The following DNAJC10 variants were observed in gnomAD, a reference collection of about 807,000 sequenced individuals.
DNAJC10 encodes DnaJ heat shock protein family (Hsp40) member C10.
In DNAJC10, 101 loss-of-function variants were observed where a neutral mutation model predicts 115.0. That is an observed-to-expected ratio of 0.88 (90% CI 0.75 to 1.04). DNAJC10 has a LOEUF of 1.04. DNAJC10 is among the 50% of genes least tolerant of loss of function. The pLI is 0.00. For synonymous variants in DNAJC10, 307 were observed against 301.5 expected (o/e 1.02, Z -0.19); for missense variants, 981 against 928.8 (o/e 1.06, Z -0.73).
At chr2:182,726,972 T>A (rs968052483) in intron 5 of DNAJC10, among the ~76,000 whole-genome samples, 1 of 152,018 alleles carries the variant, frequency 6.6e-6, no homozygotes, top group Non-Finnish European at 1.5e-5. Context: ...TCCTCCTGTC[T>A]CAGCCTCCCA....
rs1426770512 is a variant in DNAJC10 at position 182,778,204 on chromosome 2, ATTACT to A, written c.*1077_*1081del. 1.3e-5 allele frequency: 2 copies of A among 152,146 alleles called. No individual in the cohort carries two copies. The highest frequency in any genetic ancestry group is 2.9e-5 in the Non-Finnish European group (2 of 68,010). 9.4% of individuals were successfully genotyped at this position (152,146 alleles called of 1,614,324 possible). ...TCTATTTATTATTCAAATAGGAAAA[ATTACT>A]TTACAGGTTGTTTTACTGTAGCTTA... On this transcript the variant is annotated 3_prime_UTR_variant, in exon 24 of 24. Coordinates refer to ENST00000264065, the MANE Select transcript of DNAJC10 (RefSeq NM_018981.4).
chr2:182,756,555 AC>A (rs1694161700), intron 18 of DNAJC10, 86 bp downstream of exon 18: 2 of 1,264,658 alleles, frequency 1.6e-6, no homozygotes, highest in Non-Finnish European at 2.2e-6. Flanking sequence ...ATGTGAATGA[AC>A]CCACAACTAA....
rs578240644 is a variant in DNAJC10, at chr2:182,749,049, A to G, written c.1307-2609A>G. 7.2e-3 allele frequency among the ~76,000 whole-genome samples: 1,102 copies of G among 152,106 alleles called. 6 individuals carry two copies. Among genetic ancestry groups the G allele is most frequent in the South Asian group, 0.032 (153 of 4,802 alleles). Reference sequence around the variant, plus strand: ...TTTGTTATAATTTCTATTCTTTTACATTTGCTGAGGAGAGCTTTACTTCCA... The same window carrying G: ...TTTGTTATAATTTCTATTCTTTTACGTTTGCTGAGGAGAGCTTTACTTCCA... On this transcript the variant is annotated intron_variant, in intron 14 of 23. Transcript: ENST00000264065.
In DNAJC10 at chr2:182,733,782, CAGATAGATAGATAGATAGATAGAT is replaced by C. The variant is rs61416628; in HGVS notation, c.849+1265_849+1288del. 5.0e-3 allele frequency among the ~76,000 whole-genome samples: 715 copies of C among 142,524 alleles called. 13 individuals are homozygous for C. Among genetic ancestry groups the C allele is most frequent in the African/African-American group, 0.018 (688 of 39,082 alleles). 93.5% of individuals were successfully genotyped at this position (142,524 alleles called of 152,430 possible). A position where few individuals can be genotyped will look rare whatever the true frequency, so the allele number is the denominator to read the frequency against. On this transcript the variant is annotated intron_variant, in intron 10 of 23. Coordinates refer to ENST00000264065, the MANE Select transcript of DNAJC10 (RefSeq NM_018981.4). ...TTATAGACTTTTCTCCAATCTCTCT[CAGATAGATAGATAGATAGATAGAT>C]AGATAGATAGATAGATAGATAGATT... is the stretch of plus-strand genomic sequence containing the variant.
rs1162752208 is a variant in DNAJC10, at chr2:182,785,271, C to T, written c.*8139C>T. 6.6e-6 allele frequency: 1 copy of T among 151,932 alleles called. No homozygotes were observed. The highest frequency in any genetic ancestry group is 1.5e-5 in the Non-Finnish European group (1 of 67,958). The allele number at this position is 151,932 out of a possible 1,614,324, so 9.4% of individuals were successfully genotyped here. A position where few individuals can be genotyped will look rare whatever the true frequency, so the allele number is the denominator to read the frequency against. The stretch of plus-strand genomic sequence containing the variant: ...AATGGATCACTTCTAATAAATAAAA[C>T]ATAAAATTGGACTAATAGCTTAATT... On this transcript the variant is annotated 3_prime_UTR_variant, in exon 24 of 24. Transcript: ENST00000264065.
Position 182,785,348 on chromosome 2 carries a change from T to C in DNAJC10, c.*8216T>C, listed in dbSNP as rs1006061533. The C allele has an allele frequency of 6.6e-6, 1 of 152,102 alleles. No homozygotes were observed. The highest frequency in any genetic ancestry group is 2.4e-5 in the African/African-American group (1 of 41,448). The allele number at this position is 152,102 out of a possible 1,614,324, so 9.4% of individuals were successfully genotyped here. On this transcript the variant is annotated 3_prime_UTR_variant, in exon 24 of 24. Coordinates refer to ENST00000264065, the MANE Select transcript of DNAJC10 (RefSeq NM_018981.4). ...GTTTTCTGGGGCTTTTAGTACTCCT[T>C]TGTGAAATAAGACACATAGTCTTCA...
intron 14 of DNAJC10, among the ~76,000 whole-genome samples, chr2:182,750,012 G>A (rs1263303445): frequency 6.6e-6 from 1 of 152,130 alleles, no homozygotes; most frequent in Admixed American, 6.6e-5. Flanking sequence ...TCATCATGTG[G>A]GCCTTTGTAG....
In DNAJC10 at chr2:182,788,714, C is replaced by G. The variant is rs193258050; in HGVS notation, c.*11582C>G. 521 of 426,832 alleles carry G rather than the reference C, an allele frequency of 1.2e-3. No individual in the cohort carries two copies. The highest frequency in any genetic ancestry group is 1.9e-3 in the Non-Finnish European group (408 of 216,916). 26.4% of individuals were successfully genotyped at this position (426,832 alleles called of 1,614,324 possible). ...CAGCACAAGTAACGTCTATTTATCTCAGAGGAAATCCAGGGAAGTTCCTAC... is the reference window on the plus strand; with the variant it reads ...CAGCACAAGTAACGTCTATTTATCTGAGAGGAAATCCAGGGAAGTTCCTAC... On this transcript the variant is annotated 3_prime_UTR_variant, in exon 24 of 24. Coordinates refer to ENST00000264065, the MANE Select transcript of DNAJC10 (RefSeq NM_018981.4).
intron 21 of DNAJC10, among the ~76,000 whole-genome samples, chr2:182,761,411 T>C (rs1055282205): frequency 3.9e-5 from 6 of 152,292 alleles, no homozygotes; most frequent in Non-Finnish European, 7.4e-5. Flanking sequence ...TGTGTCTGCC[T>C]ACATGCTTGT....
rs756928813 is a variant in DNAJC10, at chr2:182,755,070, A to G, written c.1619A>G (p.His540Arg). ...TCCAACATTCATGAGTATGAAGGAC[A>G]TCACTCTGCTGAACAAATCTTGGAG... ...NQSNIHEYEG[H>R]HSAEQILEFI... The change falls in exon 17 of 24, where the codon CAT (histidine) becomes CGT (arginine). Residue 540 changes from histidine (H) to arginine (R), a missense_variant. By Grantham distance (29) the His-to-Arg change is conservative. Transcript: ENST00000264065. 1.4e-5 allele frequency: 23 copies of G among 1,609,002 alleles called. No homozygotes were observed. Among genetic ancestry groups the G allele is most frequent in the East Asian group, 2.2e-5 (1 of 44,758 alleles).
chr2:182,757,180 C>G (rs1344397281), intron 18 of DNAJC10, among the ~76,000 whole-genome samples: 1 of 151,986 alleles, frequency 6.6e-6, no homozygotes, highest in Non-Finnish European at 1.5e-5. Context: ...ACTTAAATAC[C>G]AGAATGGAAA....
intron 1 of DNAJC10, among the ~76,000 whole-genome samples, 155 bp downstream of exon 1, chr2:182,716,638 C>T (rs141627018): frequency 4.6e-5 from 7 of 152,316 alleles, no homozygotes; most frequent in Admixed American, 4.6e-4. Context: ...TTCCTCCTCC[C>T]TGTTATTCAC....
chr2:182,731,146 A>G (rs191482120), intron 9 of DNAJC10, 39 bp downstream of exon 9: 168 of 1,496,572 alleles, frequency 1.1e-4, no homozygotes, highest in Non-Finnish European at 1.5e-4. Context: ...TGAGAACATG[A>G]CATTTAAATT....
At chr2:182,733,818 TAGA>T (rs1227828641) in intron 10 of DNAJC10, among the ~76,000 whole-genome samples, 18 of 151,138 alleles carry the variant, frequency 1.2e-4, no homozygotes, top group South Asian at 6.3e-4. Context: ...GATAGATAGA[TAGA>T]TAGATAGATT....
At position 182,775,314 on chromosome 2, in the gene DNAJC10, A is replaced by C; in HGVS notation, c.2266-2A>C. 1 of 1,580,524 alleles carries C rather than the reference A, an allele frequency of 6.3e-7. No homozygotes were observed. The highest frequency in any genetic ancestry group is 8.7e-7 in the Non-Finnish European group (1 of 1,152,152). ...AAAGATAACAAGTGTTTTTAATTTT[A>C]GAGAAATTTTCAAGAAGAGCAGATA... On this transcript the variant is annotated splice_acceptor_variant, in intron 22 of 23. Coordinates refer to ENST00000264065, the MANE Select transcript of DNAJC10 (RefSeq NM_018981.4). LOFTEE classifies it high-confidence loss of function.
rs578181291 is a variant in DNAJC10, at chr2:182,737,256, G to T, written c.987+870G>T. Among the ~76,000 whole-genome samples the T allele has an allele frequency of 1.2e-4, 18 of 152,114 alleles. No homozygotes were observed. The East Asian group carries it at 3.5e-3, about 29-fold the overall frequency. On this transcript the variant is annotated intron_variant, in intron 11 of 23. Coordinates refer to ENST00000264065, the MANE Select transcript of DNAJC10 (RefSeq NM_018981.4). ...AAGATAAATAGTGGGATATTGGATG[G>T]GTCACTACGGAATCCCAAAAGAAAG...
chr2:182,739,147 C>G (rs1419112471), intron 11 of DNAJC10, among the ~76,000 whole-genome samples: 2 of 144,070 alleles, frequency 1.4e-5, no homozygotes, highest in African/African-American at 5.0e-5. Flanking sequence ...TCATATAGAC[C>G]TCTAAGAATG....
At chr2:182,729,355 G>T (rs771780766) in intron 7 of DNAJC10, among the ~76,000 whole-genome samples, 4 of 152,046 alleles carry the variant, frequency 2.6e-5, no homozygotes, top group Non-Finnish European at 5.9e-5. Context: ...CGCCATGTTG[G>T]CCAGGCTGGT....
chr2:182,770,086 G>T (rs1225881028), intron 22 of DNAJC10, among the ~76,000 whole-genome samples: 1 of 151,644 alleles, frequency 6.6e-6, no homozygotes, highest in African/African-American at 2.4e-5. Context: ...TATCCCCATT[G>T]CTTGTTTTTG....
Sources: gnomAD v4.1 joint callset for allele counts (sites outside exome capture counted in the v4.1 genomes callset) on GRCh38, gnomAD v4.1.1 for gene constraint, MANE v1.5 for transcripts, NCBI Gene and HGNC (gene_info 2026-07-23, HGNC 2026-07-21) for gene names.